The following AK8 variants were observed in gnomAD, a reference collection of about 807,000 sequenced individuals.
The protein encoded by AK8 is adenylate kinase 8, also known as ATP-AMP transphosphorylase 8.
In AK8, 44 loss-of-function variants were observed where a neutral mutation model predicts 54.6. The observed-to-expected ratio is 0.81, with a 90% confidence interval of 0.63 to 1.04. The LOEUF (loss-of-function observed/expected upper bound fraction) is 1.04, where lower values mean the gene tolerates loss of function less well. AK8 is among the 50% of genes least tolerant of loss of function. The pLI is 0.00. For missense variants in AK8, 555 were observed against 613.6 expected (o/e 0.90, Z 1.01); for synonymous variants, 239 against 245.6 (o/e 0.97, Z 0.25).
intron 5 of AK8, among the ~76,000 whole-genome samples, chr9:132,834,139 C>A (rs1314873049): frequency 6.6e-6 from 1 of 152,248 alleles, no homozygotes; most frequent in Non-Finnish European, 1.5e-5. Context: ...CAAGTCTGAA[C>A]CAGGGCAAGC....
intron 4 of AK8, among the ~76,000 whole-genome samples, chr9:132,857,710 C>G (rs891476422): frequency 6.6e-6 from 1 of 152,212 alleles, no homozygotes; most frequent in Non-Finnish European, 1.5e-5. Context: ...CCAACCAGGA[C>G]GCAGGGGGTG....
intron 9 of AK8, among the ~76,000 whole-genome samples, chr9:132,820,276 T>C (rs1841529385): frequency 6.6e-6 from 1 of 151,526 alleles, no homozygotes; most frequent in African/African-American, 2.4e-5. Context: ...GTTTGGTGTA[T>C]GGATATTTCT....
chr9:132,792,858 T>G, intron 10 of AK8, 83 bp from the exon 11 acceptor site: 1 of 1,467,520 alleles, frequency 6.8e-7, no homozygotes, highest in Non-Finnish European at 9.1e-7. Context: ...TGGCCATAGA[T>G]TGAGCTGCTG....
chr9:132,878,319 C>T (rs1844248804), upstream of AK8: 4 of 1,313,596 alleles, frequency 3.0e-6, no homozygotes, highest in Admixed American at 1.0e-4. This position sits in a 1 kb window ranked among gnomAD's most constrained non-coding sequence, Gnocchi z 4.7. Flanking sequence ...CCGACTGCGT[C>T]ATCAGCACGC....
chr9:132,775,020 T>G (rs1345011603), intron 11 of AK8, among the ~76,000 whole-genome samples: 3 of 152,186 alleles, frequency 2.0e-5, no homozygotes, highest in South Asian at 4.1e-4. Context: ...GGAAATTTCC[T>G]GCCTGTGAAG....
At chr9:132,787,592 G>A (rs548779131) in intron 11 of AK8, among the ~76,000 whole-genome samples, 1 of 152,216 alleles carries the variant, frequency 6.6e-6, no homozygotes, top group Admixed American at 6.5e-5. Flanking sequence ...CTGTTTCTCA[G>A]GAAGTTACTG....
intron 5 of AK8, among the ~76,000 whole-genome samples, chr9:132,831,584 C>G (rs1039863732): frequency 2.6e-5 from 4 of 152,180 alleles, no homozygotes; most frequent in African/African-American, 9.7e-5. Context: ...GGAGTCAACG[C>G]TGGGAGCCCC....
At chr9:132,739,490 CT>C (rs1209448029) in intron 11 of AK8, among the ~76,000 whole-genome samples, 5 of 130,874 alleles carry the variant, frequency 3.8e-5, no homozygotes, top group Admixed American at 8.3e-5. Context: ...AAGATTGTTC[CT>C]GCTTATCTTT....
chr9:132,748,507 C>G lies in AK8; in HGVS notation c.1122-20973G>C, dbSNP rs937027956. Among the ~76,000 whole-genome samples, 10 of 151,992 alleles carry G rather than the reference C, an allele frequency of 6.6e-5. No individual in the cohort carries two copies. In the East Asian group the frequency reaches 1.7e-3, roughly 26 times the overall value. On this transcript the variant is annotated intron_variant, in intron 11 of 12. Coordinates refer to ENST00000298545, the MANE Select transcript of AK8 (RefSeq NM_152572.3). ...AATAGCTCAGTGCAAATCAATGCCTCTGGTTTAAGAAAATCAAAAGATGTT... is the reference window on the plus strand; with the variant it reads ...AATAGCTCAGTGCAAATCAATGCCTGTGGTTTAAGAAAATCAAAAGATGTT...
chr9:132,726,126 C>A (rs551749729), intron 12 of AK8, among the ~76,000 whole-genome samples: 1 of 152,040 alleles, frequency 6.6e-6, no homozygotes, highest in African/African-American at 2.4e-5. Flanking sequence ...ATGTGCTCCC[C>A]GCTCAAGGGA....
In AK8 at chr9:132,786,600, T is replaced by G. The variant is rs1021734278; in HGVS notation, c.1121+6034A>C. The stretch of plus-strand genomic sequence containing the variant: ...AAGATGTTGACACTTGGTGGGAGGG[T>G]TCTGCACAAATGGCCCAATTTTATC... On this transcript the variant is annotated intron_variant, in intron 11 of 12. Transcript: ENST00000298545. 3.3e-5 allele frequency among the ~76,000 whole-genome samples: 5 copies of G among 151,696 alleles called. No individual in the cohort carries two copies. The South Asian group carries it at 1.0e-3, about 32-fold the overall frequency.
Position 132,828,725 on chromosome 9 carries a change from C to A in AK8, c.404G>T (p.Gly135Val). 1 of 1,605,956 alleles carries A rather than the reference C, an allele frequency of 6.2e-7. No homozygotes were observed. Among genetic ancestry groups the A allele is most frequent in the South Asian group, 1.1e-5 (1 of 90,338 alleles). Reference protein sequence around the residue: ...RLAEEDCIKQGWILDGIPETR... With the variant: ...RLAEEDCIKQVWILDGIPETR... ...CTCAGGGATGCCATCCAGAATCCAG[C>A]CCTAGACAGAAGATTCAGAGAGGTG... Residue 135 changes from glycine to valine, a missense_variant and splice_region_variant, in exon 6 of 13, where the codon GGC becomes GTC. Physicochemically the swap from Gly to Val is moderately radical, Grantham distance 109 (BLOSUM62 -3). Transcript: ENST00000298545.
At chr9:132,868,494 A>G (rs60908768) in intron 2 of AK8, among the ~76,000 whole-genome samples, 17,773 of 151,904 alleles carry the variant, frequency 0.12, 2,211 homozygotes, top group African/African-American at 0.31. Flanking sequence ...CCTTCCCAGC[A>G]CCCAGCACCC....
chr9:132,864,981 A>T (rs1247979572), intron 3 of AK8, among the ~76,000 whole-genome samples: 2 of 152,198 alleles, frequency 1.3e-5, no homozygotes, highest in Admixed American at 1.3e-4. Flanking sequence ...CAATGTCAGA[A>T]TTACCTGGGG....
rs1460710299 is a variant in AK8, at chr9:132,770,555, G to A, written c.1121+22079C>T. On this transcript the variant is annotated intron_variant, in intron 11 of 12. Transcript: ENST00000298545. This position sits in a 1 kb window ranked among gnomAD's most constrained non-coding sequence, Gnocchi z 4.3. ...CGCGCCCTGCCCCTGGCTGTAACCT[G>A]AGCAGCCCGCGTGAGGGTCAGTGGT... is the stretch of plus-strand genomic sequence containing the variant. Among the ~76,000 whole-genome samples the A allele has an allele frequency of 6.6e-6, 1 of 152,226 alleles. No individual in the cohort carries two copies. The highest frequency in any genetic ancestry group is 1.5e-5 in the Non-Finnish European group (1 of 68,032).
At chr9:132,832,684 T>C (rs934807664) in intron 5 of AK8, among the ~76,000 whole-genome samples, 1 of 152,182 alleles carries the variant, frequency 6.6e-6, no homozygotes, top group African/African-American at 2.4e-5. Context: ...ATCTCACCCA[T>C]AAATTTGCAG....
rs191702596 is a variant in AK8, at chr9:132,802,620, C to T, written c.980-9845G>A. Among the ~76,000 whole-genome samples the T allele has an allele frequency of 4.5e-3, 679 of 152,320 alleles. 5 individuals are homozygous for T. The highest frequency in any genetic ancestry group is 0.023 in the South Asian group (113 of 4,832). ...GCCATTCCAAGCGTGCCCTCCCAGGCACCGGGCATGGCGATGAAGAATCCG... is the reference window on the plus strand; with the variant it reads ...GCCATTCCAAGCGTGCCCTCCCAGGTACCGGGCATGGCGATGAAGAATCCG... On this transcript the variant is annotated intron_variant, in intron 10 of 12. Transcript: ENST00000298545.
intron 10 of AK8, among the ~76,000 whole-genome samples, chr9:132,809,775 T>C (rs1039700061): frequency 6.6e-6 from 1 of 152,166 alleles, no homozygotes; most frequent in Non-Finnish European, 1.5e-5. Context: ...GCCCAAACAG[T>C]GGGGTACACC....
chr9:132,793,709 A>G (rs1840037999), intron 10 of AK8, among the ~76,000 whole-genome samples: 1 of 152,242 alleles, frequency 6.6e-6, no homozygotes, highest in African/African-American at 2.4e-5. Flanking sequence ...GTCTCTTCCC[A>G]GACTCATTAA....
Sources: gnomAD v4.1 joint callset for allele counts (sites outside exome capture counted in the v4.1 genomes callset) on GRCh38, gnomAD v4.1.1 for gene constraint, Gnocchi (gnomAD v3.1) non-coding constraint, MANE v1.5 for transcripts, NCBI Gene and HGNC (gene_info 2026-07-23, HGNC 2026-07-21) for gene names.